Variants in DUSP22 observed in about 807,000 individuals in gnomAD.
DUSP22 encodes dual specificity protein phosphatase 22.
A neutral mutation model predicts 24.5 loss-of-function variants in DUSP22; 24 were observed. The observed-to-expected ratio is 0.98, with a 90% CI of 0.71 to 1.38. DUSP22 has a LOEUF of 1.38. Ranked by LOEUF, DUSP22 falls within the 40% of genes most tolerant of loss-of-function variation. DUSP22 has a pLI of 0.00. For synonymous variants in DUSP22, 160 were observed against 106.4 expected, an observed-to-expected ratio of 1.50 and a Z score of -3.10; for missense variants, 330 against 269.2, an observed-to-expected ratio of 1.23 and a Z score of -1.58.
intron 1 of DUSP22, among the ~76,000 whole-genome samples, chr6:297,741 T>G (rs531974009): frequency 6.6e-6 from 1 of 152,426 alleles, no homozygotes; most frequent in South Asian, 2.1e-4. Flanking sequence ...AACTGGAGAG[T>G]TATCAAAAGG....
intron 1 of DUSP22, among the ~76,000 whole-genome samples, chr6:298,346 GAA>G (rs1349509410): frequency 1.3e-5 from 2 of 152,304 alleles, no homozygotes; most frequent in Non-Finnish European, 2.9e-5. Flanking sequence ...TTGAAACCCA[GAA>G]AGTCCTTTCT....
intron 5 of DUSP22, among the ~76,000 whole-genome samples, chr6:347,801 A>G (rs1759952721): frequency 6.6e-6 from 1 of 152,300 alleles, no homozygotes; most frequent in Non-Finnish European, 1.5e-5. Flanking sequence ...GTCCGGGGAA[A>G]TGGGAAAGAC....
chr6:318,936 T>C (rs569621156), intron 3 of DUSP22, among the ~76,000 whole-genome samples: 312 of 152,304 alleles, frequency 2.0e-3, no homozygotes, highest in African/African-American at 7.1e-3. Flanking sequence ...AGGAAGCAAG[T>C]TATAGGATGA....
chr6:300,330 G>A (rs1026487597), intron 1 of DUSP22, among the ~76,000 whole-genome samples: 31 of 152,406 alleles, frequency 2.0e-4, no homozygotes, highest in African/African-American at 7.2e-4. Context: ...CTCCTGAAAG[G>A]TCTCCCTTGC....
At position 350,285 on chromosome 6, in the gene DUSP22, C is replaced by G. The variant is rs1315629162; in HGVS notation, c.*1334C>G. 1.0e-6 allele frequency: 1 copy of G among 993,292 alleles called. No individual in the cohort carries two copies. Among genetic ancestry groups the G allele is most frequent in the African/African-American group, 1.7e-5 (1 of 57,468 alleles). 61.5% of individuals were successfully genotyped at this position (993,292 alleles called of 1,614,324 possible). ...AAATTCCACATTCAGGCCACGAGAGCATCTACAGTTTGTACTCTGGGGCTG... is the reference window on the plus strand; with the variant it reads ...AAATTCCACATTCAGGCCACGAGAGGATCTACAGTTTGTACTCTGGGGCTG... On this transcript the variant is annotated 3_prime_UTR_variant, in exon 7 of 7. Coordinates refer to ENST00000419235, the MANE Select transcript of DUSP22 (RefSeq NM_001286555.3).
At chr6:330,842 T>G (rs920161857) in intron 3 of DUSP22, among the ~76,000 whole-genome samples, 2 of 152,302 alleles carry the variant, frequency 1.3e-5, no homozygotes. Context: ...CCTGCCTCTT[T>G]GCAGCATCTT....
intron 3 of DUSP22, among the ~76,000 whole-genome samples, chr6:332,202 G>A (rs1026337581): frequency 2.6e-5 from 4 of 152,304 alleles, no homozygotes; most frequent in African/African-American, 4.8e-5. Context: ...GTCTTCAACA[G>A]AATATAATCT....
intron 4 of DUSP22, among the ~76,000 whole-genome samples, chr6:340,881 A>G (rs1759576242): frequency 6.6e-6 from 1 of 152,306 alleles, no homozygotes; most frequent in African/African-American, 2.4e-5. Context: ...TGGAGTGAGA[A>G]GTAGTTGTTC....
intron 3 of DUSP22, among the ~76,000 whole-genome samples, chr6:324,784 A>G (rs1216845812): frequency 6.6e-6 from 1 of 152,302 alleles, no homozygotes; most frequent in Non-Finnish European, 1.5e-5. Context: ...GATGCTGCAG[A>G]TTGTGTCCAA....
rs1760055783 is a variant in DUSP22, at chr6:349,251, A to C, written c.*300A>C. 3.7e-6 allele frequency: 5 copies of C among 1,348,328 alleles called. No homozygotes were observed. Among genetic ancestry groups the C allele is most frequent in the Non-Finnish European group, 3.8e-6 (4 of 1,046,552 alleles). 83.5% of individuals were successfully genotyped at this position (1,348,328 alleles called of 1,614,324 possible). A position where few individuals can be genotyped will look rare whatever the true frequency, so the allele number is the denominator to read the frequency against. Reference sequence around the variant, plus strand: ...TGTGTGTGGGTGACTAAGTGGATGCATGTGTGTGCCTGTGTGAGTGAGGGT... The same window carrying C: ...TGTGTGTGGGTGACTAAGTGGATGCCTGTGTGTGCCTGTGTGAGTGAGGGT... On this transcript the variant is annotated 3_prime_UTR_variant, in exon 7 of 7. Coordinates refer to ENST00000419235, the MANE Select transcript of DUSP22 (RefSeq NM_001286555.3).
chr6:302,991 G>A (rs1217387179), intron 1 of DUSP22, among the ~76,000 whole-genome samples: 1 of 152,302 alleles, frequency 6.6e-6, no homozygotes, highest in African/African-American at 2.4e-5. Flanking sequence ...ACTCGGTCGG[G>A]CAAGGACCAG....
At chr6:294,349 G>A (rs1276989230) in intron 1 of DUSP22, among the ~76,000 whole-genome samples, 3 of 39,798 alleles carry the variant, frequency 7.5e-5, no homozygotes, top group African/African-American at 1.5e-4. Flanking sequence ...TTGTGCTAGT[G>A]GGTGGGGAGG....
rs772091549 is a variant in DUSP22, at chr6:345,874, G to A, written c.209G>A (p.Ser70Asn). 2 of 1,614,266 alleles carry A rather than the reference G, an allele frequency of 1.2e-6. No individual in the cohort carries two copies. The highest frequency in any genetic ancestry group is 2.2e-5 in the East Asian group (1 of 44,894). The change falls in exon 5 of 7, where the codon AGT becomes AAT. Residue 70 changes from serine to asparagine, a missense_variant. By Grantham distance (46) the Ser-to-Asn change is conservative. Coordinates refer to ENST00000419235, the MANE Select transcript of DUSP22 (RefSeq NM_001286555.3). ...SQNLTRHFKE[S>N]IKFIHECRLR... ...CCCAGGACAAGACATTTCAAAGAAA[G>A]TATTAAATTCATTCACGAGTGCCGG...
chr6:292,944 C>CT (rs1757162267), intron 1 of DUSP22, among the ~76,000 whole-genome samples: 1 of 152,298 alleles, frequency 6.6e-6, no homozygotes, highest in South Asian at 2.1e-4. Flanking sequence ...CACCACCGCC[C>CT]CCCCCACATC....
intron 2 of DUSP22, among the ~76,000 whole-genome samples, chr6:305,365 G>A (rs912489805): frequency 6.6e-6 from 1 of 152,306 alleles, no homozygotes; most frequent in Non-Finnish European, 1.5e-5. Context: ...TCATCAAAAG[G>A]TGTTGGACAA....
At chr6:309,811 T>C (rs536893967) in intron 2 of DUSP22, among the ~76,000 whole-genome samples, 1,109 of 151,998 alleles carry the variant, frequency 7.3e-3, no homozygotes, top group African/African-American at 0.025. Flanking sequence ...CATGTGTTTG[T>C]CTCTGCATTT....
At chr6:327,572 G>T (rs1411219700) in intron 3 of DUSP22, among the ~76,000 whole-genome samples, 4 of 152,304 alleles carry the variant, frequency 2.6e-5, no homozygotes, top group Non-Finnish European at 5.9e-5. Flanking sequence ...GGAATCTGGG[G>T]TCTAGTGAGA....
At chr6:307,800 C>A (rs1274062673) in intron 2 of DUSP22, among the ~76,000 whole-genome samples, 2 of 152,308 alleles carry the variant, frequency 1.3e-5, no homozygotes, top group African/African-American at 4.8e-5. Context: ...TGTTCGCAGT[C>A]TTGAGCTTGT....
chr6:347,096 TTCAA>T (rs1291314790), intron 5 of DUSP22, among the ~76,000 whole-genome samples: 2 of 152,302 alleles, frequency 1.3e-5, no homozygotes, highest in Non-Finnish European at 2.9e-5. Flanking sequence ...ACCTTGGGGG[TTCAA>T]TTGGAGCCAA....
Sources: gnomAD v4.1 joint callset for allele counts (sites outside exome capture counted in the v4.1 genomes callset) on GRCh38, gnomAD v4.1.1 for gene constraint, MANE v1.5 for transcripts, NCBI Gene and HGNC (gene_info 2026-07-23, HGNC 2026-07-21) for gene names.